The following MACROD2 variants were observed in gnomAD, a reference collection of about 807,000 sequenced individuals.
The protein encoded by MACROD2 is ADP-ribose glycohydrolase MACROD2.
A neutral mutation model predicts 70.4 loss-of-function variants in MACROD2; 36 were observed. The ratio of observed to expected loss-of-function variants is 0.51; its 90% CI spans 0.39 to 0.68. The LOEUF (loss-of-function observed/expected upper bound fraction) is 0.68, where lower values mean the gene tolerates loss of function less well. Among genes scored for constraint, MACROD2 ranks in the 30% least tolerant of loss-of-function variants. The pLI is 0.00. For synonymous variants in MACROD2, 172 were observed against 178.8 expected (o/e 0.96, Z 0.30); for missense variants, 496 against 538.4 (o/e 0.92, Z 0.78).
At chr20:14,081,846 A>G (rs1045157585) in intron 2 of MACROD2, among the ~76,000 whole-genome samples, 1 of 152,216 alleles carries the variant, frequency 6.6e-6, no homozygotes, top group African/African-American at 2.4e-5. Flanking sequence ...TTTTTGGCAT[A>G]CTATGTGAGG....
chr20:15,136,186 T>G (rs1245902374), intron 5 of MACROD2, among the ~76,000 whole-genome samples: 1 of 149,216 alleles, frequency 6.7e-6, no homozygotes. Context: ...ACCAATGACT[T>G]TCTTCACAGA....
At chr20:14,723,681 A>C (rs1438133221) in intron 5 of MACROD2, among the ~76,000 whole-genome samples, 1 of 151,228 alleles carries the variant, frequency 6.6e-6, no homozygotes, top group Non-Finnish European at 1.5e-5. Flanking sequence ...CCTCATGTAC[A>C]TTTGGTGGTA....
chr20:15,751,436 AACTC>A (rs2051268041), intron 8 of MACROD2, among the ~76,000 whole-genome samples: 1 of 151,970 alleles, frequency 6.6e-6, no homozygotes, highest in Non-Finnish European at 1.5e-5. Context: ...GCACTGAACT[AACTC>A]TTTCCCAAGC....
chr20:14,085,554 T>G, intron 2 of MACROD2, 67 bp from the exon 3 acceptor site: 1 of 953,408 alleles, frequency 1.0e-6, no homozygotes, highest in South Asian at 2.5e-5. Flanking sequence ...TAGTCTTGAG[T>G]AAAAAATTAT....
intron 4 of MACROD2, among the ~76,000 whole-genome samples, chr20:14,542,249 T>C (rs919895933): frequency 1.3e-5 from 2 of 152,244 alleles, no homozygotes; most frequent in Non-Finnish European, 2.9e-5. Flanking sequence ...TTTGGTGTGG[T>C]ATCCCTGCTG....
At chr20:14,461,859 T>G (rs973235526) in intron 3 of MACROD2, among the ~76,000 whole-genome samples, 3 of 152,086 alleles carry the variant, frequency 2.0e-5, no homozygotes, top group African/African-American at 7.3e-5. Context: ...GGTGTATATG[T>G]GTCACATTTT....
At position 15,531,854 on chromosome 20, in the gene MACROD2, G is replaced by A. The variant is rs111995906; in HGVS notation, c.645+32007G>A. ...GTTACATACCAAAGATCGAATAATTGCATTCTATAATAGGGAAGTCTGTTG... is the reference window on the plus strand; with the variant it reads ...GTTACATACCAAAGATCGAATAATTACATTCTATAATAGGGAAGTCTGTTG... On this transcript the variant is annotated intron_variant, in intron 8 of 17. Transcript: ENST00000684519. Among the ~76,000 whole-genome samples, 190 of 152,162 alleles carry A rather than the reference G, an allele frequency of 1.2e-3. 1 individual carries two copies. Among genetic ancestry groups the A allele is most frequent in the African/African-American group, 4.2e-3 (175 of 41,522 alleles).
intron 5 of MACROD2, among the ~76,000 whole-genome samples, chr20:15,098,941 C>G (rs2075852889): frequency 6.6e-6 from 1 of 152,176 alleles, no homozygotes; most frequent in Non-Finnish European, 1.5e-5. Flanking sequence ...TAGGTACTAG[C>G]CAGAGATTCA....
chr20:14,220,856 C>T (rs1035881834), intron 3 of MACROD2, among the ~76,000 whole-genome samples: 1 of 152,184 alleles, frequency 6.6e-6, no homozygotes, highest in African/African-American at 2.4e-5. Context: ...GCAGGTGGGG[C>T]ACTCGCAGTT....
At chr20:15,153,080 G>C (rs1346395225) in intron 5 of MACROD2, among the ~76,000 whole-genome samples, 3 of 152,200 alleles carry the variant, frequency 2.0e-5, no homozygotes, top group East Asian at 3.9e-4. Context: ...CTTTCTCATG[G>C]AGCAAAGAGC....
chr20:14,299,121 A>C (rs1264081344), intron 3 of MACROD2, among the ~76,000 whole-genome samples: 1 of 152,202 alleles, frequency 6.6e-6, no homozygotes, highest in Non-Finnish European at 1.5e-5. Flanking sequence ...AGCATCACAT[A>C]CTACAGAGAT....
chr20:14,124,993 A>G (rs891697637), intron 3 of MACROD2, among the ~76,000 whole-genome samples: 5 of 152,182 alleles, frequency 3.3e-5, no homozygotes, highest in Admixed American at 1.3e-4. Flanking sequence ...AAATACTAAG[A>G]TATGCTACAA....
chr20:15,608,419 G>A (rs961255252), intron 8 of MACROD2, among the ~76,000 whole-genome samples: 1 of 152,106 alleles, frequency 6.6e-6, no homozygotes, highest in African/African-American at 2.4e-5. Context: ...ACCTTTCTCT[G>A]CGTAGCTGTT....
At chr20:14,952,145 TCTAA>T in intron 5 of MACROD2, among the ~76,000 whole-genome samples, 1 of 152,218 alleles carries the variant, frequency 6.6e-6, no homozygotes, top group South Asian at 2.1e-4. Flanking sequence ...CAGCTCTAAT[TCTAA>T]CTAATTGTGC....
intron 3 of MACROD2, among the ~76,000 whole-genome samples, chr20:14,281,966 A>G (rs1311866719): frequency 6.6e-6 from 1 of 151,024 alleles, no homozygotes; most frequent in Non-Finnish European, 1.5e-5. Flanking sequence ...AGAAAAATAT[A>G]ATAAGCACAT....
chr20:14,282,521 G>A (rs1157838069), intron 3 of MACROD2, among the ~76,000 whole-genome samples: 1 of 152,194 alleles, frequency 6.6e-6, no homozygotes, highest in Non-Finnish European at 1.5e-5. Context: ...GTGAGAAAGT[G>A]AGAAAGTTGA....
At chr20:14,921,880 CA>C (rs1216952288) in intron 5 of MACROD2, among the ~76,000 whole-genome samples, 2 of 152,136 alleles carry the variant, frequency 1.3e-5, no homozygotes, top group Non-Finnish European at 2.9e-5. Flanking sequence ...TGTGAATGTA[CA>C]ATCATTGTGT....
At chr20:14,227,411 A>G (rs149828363) in intron 3 of MACROD2, among the ~76,000 whole-genome samples, 2,943 of 152,260 alleles carry the variant, frequency 0.019, 95 homozygotes, top group African/African-American at 0.065. Flanking sequence ...ACTCACCACA[A>G]AGGTCTGCAG....
At chr20:15,721,493 T>G (rs2050786315) in intron 8 of MACROD2, among the ~76,000 whole-genome samples, 1 of 152,210 alleles carries the variant, frequency 6.6e-6, no homozygotes, top group Non-Finnish European at 1.5e-5. Context: ...ACAAAAAATA[T>G]ATATCATTGT....
Sources: allele counts gnomAD v4.1 joint callset (sites outside exome capture counted in the v4.1 genomes callset), GRCh38; gene constraint gnomAD v4.1.1; transcripts MANE v1.5; gene names NCBI Gene and HGNC (gene_info 2026-07-23, HGNC 2026-07-21).